The following GNPTAB variants were observed in gnomAD, a reference collection of about 807,000 sequenced individuals.
GNPTAB encodes the protein N-acetylglucosamine-1-phosphotransferase subunits alpha/beta.
In GNPTAB, 92 loss-of-function variants were observed where a neutral mutation model predicts 136.6. The observed-to-expected ratio is 0.67, with a 90% CI of 0.57 to 0.80. GNPTAB has a LOEUF of 0.80. Among genes scored for constraint, GNPTAB ranks in the 30% least tolerant of loss-of-function variants. The pLI, the probability that GNPTAB is intolerant of heterozygous loss-of-function variation, is 0.00. For missense variants in GNPTAB, 1,343 were observed against 1,501.8 expected (o/e 0.89, Z 1.75); for synonymous variants, 512 against 535.1 (o/e 0.96, Z 0.60).
chr12:101,765,053 C>T lies in GNPTAB; in HGVS notation c.1864G>A (p.Asp622Asn), dbSNP rs1294971636. The change falls in exon 13 of 21, where the codon GAT becomes AAT. Residue 622 changes from aspartate to asparagine, a missense_variant. Transcript: ENST00000299314. ...HFNLTFQNTN[D>N]EEFKMQITVE... ...GTTATCTGCATTTTGAACTCTTCATCGTTTGTATTTTGAAACGTGAGATTA... is the reference window on the plus strand; with the variant it reads ...GTTATCTGCATTTTGAACTCTTCATTGTTTGTATTTTGAAACGTGAGATTA... The T allele has an allele frequency of 1.2e-6, 2 of 1,614,112 alleles. No homozygotes were observed. Among genetic ancestry groups the T allele is most frequent in the Middle Eastern group, 1.6e-4 (1 of 6,062 alleles).
In GNPTAB at chr12:101,790,470, A is replaced by G. The variant is rs374907273; in HGVS notation, c.204-413T>C. Among the ~76,000 whole-genome samples, 12 of 152,388 alleles carry G rather than the reference A, an allele frequency of 7.9e-5. No individual in the cohort carries two copies. The East Asian group carries it at 2.1e-3, about 27-fold the overall frequency. On this transcript the variant is annotated intron_variant, in intron 2 of 20. Coordinates refer to ENST00000299314, the MANE Select transcript of GNPTAB (RefSeq NM_024312.5). ...CATAGAAAATAAATTAGAAGTTTAA[A>G]GAACAAAATTACAGGCTCTGCACAG...
chr12:101,802,934 A>T (rs531556143), intron 1 of GNPTAB, among the ~76,000 whole-genome samples: 1 of 152,270 alleles, frequency 6.6e-6, no homozygotes, highest in East Asian at 1.9e-4. Flanking sequence ...CGGACATAAC[A>T]CCATGAGGAG....
At chr12:101,762,883 C>G (rs1349306904) in intron 13 of GNPTAB, among the ~76,000 whole-genome samples, 2 of 144,604 alleles carry the variant, frequency 1.4e-5, no homozygotes, top group Non-Finnish European at 3.0e-5. Context: ...TACTACTAGC[C>G]TATAATGCTT....
At chr12:101,749,057 CAAGA>C in intron 20 of GNPTAB, 40 bp downstream of exon 20, 1 of 1,105,080 alleles carries the variant, frequency 9.0e-7, no homozygotes, top group Non-Finnish European at 1.4e-6. Flanking sequence ...GCTAGTATAC[CAAGA>C]AATACCATTT....
At chr12:101,818,677 C>T (rs968132904) in intron 1 of GNPTAB, among the ~76,000 whole-genome samples, 1 of 152,006 alleles carries the variant, frequency 6.6e-6, no homozygotes, top group Non-Finnish European at 1.5e-5. Flanking sequence ...GTGCCCAGCC[C>T]TTTGTGTCTT....
At chr12:101,769,182 T>C (rs1953136011) in intron 10 of GNPTAB, among the ~76,000 whole-genome samples, 2 of 152,230 alleles carry the variant, frequency 1.3e-5, no homozygotes, top group South Asian at 4.1e-4. Context: ...ACAAGGGTAT[T>C]TGTACTTTCC....
intron 1 of GNPTAB, among the ~76,000 whole-genome samples, chr12:101,802,062 A>G (rs1186185748): frequency 1.3e-5 from 2 of 151,626 alleles, no homozygotes; most frequent in African/African-American, 4.9e-5. Flanking sequence ...TTCGCCGGGC[A>G]TGGTGCATGC....
chr12:101,775,264 A>C (rs1361075987), intron 7 of GNPTAB, among the ~76,000 whole-genome samples: 1 of 152,264 alleles, frequency 6.6e-6, no homozygotes, highest in East Asian at 1.9e-4. Flanking sequence ...AATCATTAAA[A>C]ATCTGTTAGG....
intron 1 of GNPTAB, among the ~76,000 whole-genome samples, chr12:101,813,936 A>G (rs1870371035): frequency 6.6e-6 from 1 of 152,050 alleles, no homozygotes; most frequent in African/African-American, 2.4e-5. Context: ...AAAATTAGCC[A>G]GGTGTGGTGG....
At chr12:101,820,262 G>A (rs1040432059) in intron 1 of GNPTAB, among the ~76,000 whole-genome samples, 6 of 152,208 alleles carry the variant, frequency 3.9e-5, no homozygotes, top group Admixed American at 1.3e-4. Flanking sequence ...TAGGGTCTGC[G>A]AGAGCAAATG....
At chr12:101,820,315 G>A (rs1870728379) in intron 1 of GNPTAB, among the ~76,000 whole-genome samples, 1 of 152,222 alleles carries the variant, frequency 6.6e-6, no homozygotes, top group African/African-American at 2.4e-5. Flanking sequence ...AGATGTTGGT[G>A]GAGTGCCTAG....
Position 101,761,280 on chromosome 12 carries a change from GGC to G in GNPTAB, c.2980_2981del (p.Ala994LeufsTer21). 1 of 1,614,068 alleles carries G rather than the reference GGC, an allele frequency of 6.2e-7. No individual in the cohort carries two copies. The highest frequency in any genetic ancestry group is 8.5e-7 in the Non-Finnish European group (1 of 1,179,982). ...TCATGAGATAATAAAAATAAGAGAA[GGC>G]AAACTGCATATCCTCAGAATGGCGC... ...KVRHSEDMQF[A>X]FSYFYYLMSA... On this transcript the variant is annotated frameshift_variant, in exon 15 of 21. Coordinates refer to ENST00000299314, the MANE Select transcript of GNPTAB (RefSeq NM_024312.5). LOFTEE classifies it high-confidence loss of function.
chr12:101,808,141 A>G (rs1309991757), intron 1 of GNPTAB, among the ~76,000 whole-genome samples: 1 of 152,228 alleles, frequency 6.6e-6, no homozygotes, highest in Admixed American at 6.5e-5. Flanking sequence ...ATGAAATTCC[A>G]TGTTCACAGA....
At chr12:101,778,358 T>C (rs1037657866) in intron 7 of GNPTAB, 2 of 152,222 alleles carry the variant, frequency 1.3e-5, no homozygotes. Context: ...TCTGTCTACA[T>C]AAGCAAGTTG....
intron 1 of GNPTAB, among the ~76,000 whole-genome samples, chr12:101,819,359 C>T (rs1870685338): frequency 6.6e-6 from 1 of 152,148 alleles, no homozygotes. Context: ...TATGTCTTCA[C>T]AGCAGTATGA....
At chr12:101,829,666 CA>C (rs1328277378) in intron 1 of GNPTAB, among the ~76,000 whole-genome samples, 4 of 152,118 alleles carry the variant, frequency 2.6e-5, no homozygotes, top group African/African-American at 7.2e-5. Context: ...CAAAGACGAG[CA>C]AGTACTATAA....
At chr12:101,780,365 G>C in intron 6 of GNPTAB, 79 bp from the exon 7 acceptor site, 1 of 1,438,506 alleles carries the variant, frequency 7.0e-7, no homozygotes, top group South Asian at 1.1e-5. Context: ...AACTGGTAAA[G>C]ATCTATTGCA....
intron 18 of GNPTAB, 104 bp downstream of exon 18, chr12:101,757,108 A>C (rs1952912279): frequency 2.9e-6 from 2 of 690,300 alleles, no homozygotes; most frequent in South Asian, 1.7e-5. Flanking sequence ...CTGCACTGTT[A>C]GGCCTTTTGG....
intron 2 of GNPTAB, among the ~76,000 whole-genome samples, chr12:101,790,975 G>A (rs1422804206): frequency 6.6e-6 from 1 of 151,782 alleles, no homozygotes; most frequent in African/African-American, 2.4e-5. Context: ...CTCCTAGAAT[G>A]TAAGCTCCAA....
Sources: gnomAD v4.1 joint callset for allele counts (sites outside exome capture counted in the v4.1 genomes callset) on GRCh38, gnomAD v4.1.1 for gene constraint, MANE v1.5 for transcripts, NCBI Gene and HGNC (gene_info 2026-07-23, HGNC 2026-07-21) for gene names.